Variants in TTLL6 observed in about 807,000 individuals in gnomAD.
TTLL6 encodes the protein tubulin tyrosine ligase like 6, also known as tubulin polyglutamylase TTLL6.
A neutral mutation model predicts 96.4 loss-of-function variants in TTLL6; 75 were observed. The observed-to-expected ratio is 0.78, with a 90% confidence interval of 0.65 to 0.94. The LOEUF is 0.94. Ranked by LOEUF, TTLL6 falls within the 40% of genes least tolerant of loss-of-function variation. TTLL6 has a pLI of 0.00. For missense variants in TTLL6, 1,030 were observed against 1,093.0 expected (o/e 0.94, Z 0.81); for synonymous variants, 411 against 419.4 (o/e 0.98, Z 0.24).
rs1357202929 is a variant in TTLL6, at chr17:48,801,609, C to T, written c.396G>A (p.Glu132=). Residue 132 remains glutamate (E), a synonymous_variant, in exon 4 of 16, where the codon GAG becomes GAA. Transcript: ENST00000393382. ...GAGTCCAGTCATCGTCTTCCCCTCC[C>T]TCTCTAAAGCCGTACTGTTGGGCAG... is the stretch of plus-strand genomic sequence containing the variant. ...RRAAQQYGFR[E]GGEDDDWTLY... 6.4e-7 allele frequency: 1 copy of T among 1,551,746 alleles called. No homozygotes were observed. The highest frequency in any genetic ancestry group is 2.4e-5 in the East Asian group (1 of 40,914).
Position 48,801,369 on chromosome 17 carries a change from G to A in TTLL6, c.497C>T (p.Pro166Leu), listed in dbSNP as rs532435543. 475 of 1,551,660 alleles carry A rather than the reference G, an allele frequency of 3.1e-4. 1 individual carries two copies. The highest frequency in any genetic ancestry group is 2.3e-3 in the Middle Eastern group (14 of 5,992). Residue 166 changes from proline to leucine, a missense_variant, in exon 5 of 16, where the codon CCC (proline) becomes CTC (leucine). Coordinates refer to ENST00000393382, the MANE Select transcript of TTLL6 (RefSeq NM_001130918.3). ...MKSYQKINHF[P>L]GMSEICRKDL... ...CTTCCGGCAGATTTCACTCATCCCG[G>A]GGAAGTGATTGATCTTCTGGAAGGG...
rs553706219 is a variant in TTLL6 at position 48,790,751 on chromosome 17, C to T, written c.1224+627G>A. On this transcript the variant is annotated intron_variant, in intron 9 of 15. Coordinates refer to ENST00000393382, the MANE Select transcript of TTLL6 (RefSeq NM_001130918.3). ...ATCTGACCTGTAATCTCGGGTTCTC[C>T]ACCCCAGAGTCTGACCTGTGTCACT... Among the ~76,000 whole-genome samples the T allele has an allele frequency of 9.9e-5, 15 of 152,188 alleles. 1 individual carries two copies. The highest frequency in any genetic ancestry group is 1.9e-4 in the Non-Finnish European group (13 of 68,034).
chr17:48,794,383 C>T (rs2039283137), intron 8 of TTLL6: 2 of 1,505,608 alleles, frequency 1.3e-6, no homozygotes, highest in Non-Finnish European at 1.8e-6. Context: ...GTCATTTGAA[C>T]CTCACAGAGA....
intron 13 of TTLL6, among the ~76,000 whole-genome samples, chr17:48,783,006 C>T (rs1204116992): frequency 2.0e-5 from 3 of 152,152 alleles, no homozygotes; most frequent in Non-Finnish European, 4.4e-5. Flanking sequence ...AGCCACTGCA[C>T]CTAGCCTTAA....
chr17:48,816,826 G>A, intron 1 of TTLL6, 144 bp downstream of exon 1: 3 of 557,448 alleles, frequency 5.4e-6, no homozygotes, highest in Non-Finnish European at 9.0e-6. Context: ...TGGCGCCATG[G>A]AACGCCACCA....
intron 10 of TTLL6, among the ~76,000 whole-genome samples, chr17:48,789,167 C>A (rs1395248425): frequency 6.6e-6 from 1 of 151,574 alleles, no homozygotes; most frequent in African/African-American, 2.4e-5. Context: ...ATTCCTAAAG[C>A]TTCACTTAGT....
chr17:48,774,867 T>A (rs2038839711), intron 13 of TTLL6, among the ~76,000 whole-genome samples: 1 of 152,210 alleles, frequency 6.6e-6, no homozygotes, highest in South Asian at 2.1e-4. Flanking sequence ...GCACCATGGC[T>A]CATGCCTACA....
At chr17:48,805,802 G>A (rs1028083672) in intron 1 of TTLL6, among the ~76,000 whole-genome samples, 5 of 150,702 alleles carry the variant, frequency 3.3e-5, no homozygotes, top group South Asian at 2.1e-4. Context: ...GTGAAACCCC[G>A]TCTCTATTAA....
rs1194840958 is a variant in TTLL6, at chr17:48,762,408, T to G, written c.*566A>C. ...AGGTCACCAGAGGATGCTCGGGCAC[T>G]GAGGTGGCAAGTCTTTGGGCTGGTG... On this transcript the variant is annotated 3_prime_UTR_variant, in exon 16 of 16. Coordinates refer to ENST00000393382, the MANE Select transcript of TTLL6 (RefSeq NM_001130918.3). 1 of 152,484 alleles carries G rather than the reference T, an allele frequency of 6.6e-6. No individual in the cohort carries two copies. Among genetic ancestry groups the G allele is most frequent in the Admixed American group, 6.5e-5 (1 of 15,288 alleles). The allele number at this position is 152,484 out of a possible 1,614,324, so 9.4% of individuals were successfully genotyped here.
rs551153530 is a variant in TTLL6, at chr17:48,764,498, A to G, written c.*1-1525T>C. 1.3e-3 allele frequency among the ~76,000 whole-genome samples: 191 copies of G among 152,148 alleles called. 1 individual carries two copies. Among genetic ancestry groups the G allele is most frequent in the Non-Finnish European group, 2.3e-3 (156 of 68,034 alleles). ...CTGCCTTGCCAACCTCACATTGTCA[A>G]TGTGAGGATTCTATGAGATATGATC... On this transcript the variant is annotated intron_variant, in intron 15 of 15. Transcript: ENST00000393382.
chr17:48,805,097 G>A (rs1427747206), intron 1 of TTLL6, 106 bp from the exon 2 acceptor site: 1 of 912,062 alleles, frequency 1.1e-6, no homozygotes, highest in East Asian at 2.6e-5. Context: ...CAACGCAACA[G>A]GTTGCAGTTT....
intron 6 of TTLL6, 106 bp from the exon 7 acceptor site, chr17:48,797,310 G>A (rs530549983): frequency 8.1e-7 from 1 of 1,236,818 alleles, no homozygotes; most frequent in South Asian, 1.5e-5. Flanking sequence ...ACATTGCCTA[G>A]TGTTGTGGAG....
chr17:48,815,007 A>C (rs555131325), intron 1 of TTLL6, among the ~76,000 whole-genome samples: 2 of 152,100 alleles, frequency 1.3e-5, no homozygotes, highest in African/African-American at 4.8e-5. Context: ...CAAACTCCCA[A>C]CCTCAGGTTA....
chr17:48,784,787 G>A (rs2143312224), intron 13 of TTLL6, 136 bp downstream of exon 13: 1 of 661,974 alleles, frequency 1.5e-6, no homozygotes. Context: ...CCACAGTGTG[G>A]GCTTCTCAAG....
At chr17:48,770,226 T>C in intron 13 of TTLL6, 129 bp from the exon 14 acceptor site, 2 of 1,307,230 alleles carry the variant, frequency 1.5e-6, no homozygotes, top group Non-Finnish European at 2.0e-6. Flanking sequence ...CAAATTGGGC[T>C]CAAGTGATGC....
intron 1 of TTLL6, chr17:48,815,788 T>C (rs2039659669): frequency 6.6e-6 from 1 of 152,218 alleles, no homozygotes; most frequent in Non-Finnish European, 1.5e-5. Flanking sequence ...TCACCTGTAG[T>C]GGGAACAATA....
intron 1 of TTLL6, among the ~76,000 whole-genome samples, chr17:48,810,460 G>A (rs1446947989): frequency 6.6e-6 from 1 of 152,096 alleles, no homozygotes; most frequent in Non-Finnish European, 1.5e-5. Flanking sequence ...GCTGAATCCT[G>A]TCTCTCCAAA....
At position 48,786,201 on chromosome 17, in the gene TTLL6, T is replaced by C; in HGVS notation, c.1724A>G (p.Gln575Arg). 6.2e-7 allele frequency: 1 copy of C among 1,614,232 alleles called. No homozygotes were observed. Among genetic ancestry groups the C allele is most frequent in the Non-Finnish European group, 8.5e-7 (1 of 1,180,040 alleles). The change falls in exon 12 of 16, where the codon CAG (glutamine) becomes CGG (arginine). Residue 575 changes from glutamine (Q) to arginine (R), a missense_variant. By Grantham distance (43) the Gln-to-Arg change is conservative (BLOSUM62 1). Coordinates refer to ENST00000393382, the MANE Select transcript of TTLL6 (RefSeq NM_001130918.3). ...KGMRGWQQKQ[Q>R]QKDKAATQAS... is the part of the protein sequence containing the mutation. ...TTGGGTGGCGGCCTTGTCTTTCTGC[T>C]GTTGTTTCTGTTGCCAGCCCCTCAT...
At chr17:48,786,955 G>C (rs2039111939) in intron 11 of TTLL6, among the ~76,000 whole-genome samples, 1 of 150,552 alleles carries the variant, frequency 6.6e-6, no homozygotes, top group South Asian at 2.1e-4. Context: ...TCAGCCTCCA[G>C]AGTAGCTGGG....
Sources: allele counts gnomAD v4.1 joint callset (sites outside exome capture counted in the v4.1 genomes callset), GRCh38; gene constraint gnomAD v4.1.1; transcripts MANE v1.5; gene names NCBI Gene and HGNC (gene_info 2026-07-23, HGNC 2026-07-21).